Variants in DAB1 observed in about 807,000 individuals in gnomAD.
DAB1 encodes DAB adaptor protein 1.
Under a neutral mutation model 64.6 loss-of-function variants are expected in DAB1, and 15 were observed. The ratio of observed to expected loss-of-function variants is 0.23; its 90% CI spans 0.16 to 0.36. The LOEUF (loss-of-function observed/expected upper bound fraction) is 0.36, where lower values mean the gene tolerates loss of function less well. DAB1 is among the 10% of genes least tolerant of loss of function. The pLI is 1.00. For synonymous variants in DAB1, 235 were observed against 251.9 expected (o/e 0.93, Z 0.64); for missense variants, 596 against 706.7 (o/e 0.84, Z 1.78).
chr1:58,145,167 C>T (rs776699731), intron 5 of DAB1, among the ~76,000 whole-genome samples: 10 of 152,216 alleles, frequency 6.6e-5, no homozygotes, highest in East Asian at 5.8e-4. Context: ...GGAATATCCA[C>T]GCAGACATTG....
In DAB1 at chr1:58,523,858, C is replaced by T. The variant is rs576644727; in HGVS notation, n.107+3403G>A. Among the ~76,000 whole-genome samples, 5 of 152,226 alleles carry T rather than the reference C, an allele frequency of 3.3e-5. No individual in the cohort carries two copies. In the South Asian group the frequency reaches 1.0e-3, roughly 32 times the overall value. ...AGCTTGCAGTGAGCCGAGATCACAC[C>T]ACTGCACTCCAGCCTGGGTGACAGA... On this transcript the variant is annotated intron_variant and non_coding_transcript_variant, in intron 2 of 20. Transcript: ENST00000485760.
rs971804639 is a variant in DAB1 at position 58,177,185 on chromosome 1, C to T, written n.310-26597G>A. Among the ~76,000 whole-genome samples, 7 of 152,096 alleles carry T rather than the reference C, an allele frequency of 4.6e-5. No individual in the cohort carries two copies. The East Asian group carries it at 1.2e-3, about 25-fold the overall frequency. On this transcript the variant is annotated intron_variant and non_coding_transcript_variant, in intron 4 of 20. Coordinates refer to the DAB1 transcript ENST00000485760. Reference sequence around the variant, plus strand: ...CTGGCAGGAAAATGATAAGCTAGAACTCAACCTAAAGTCCTTGGGAACCGA... The same window carrying T: ...CTGGCAGGAAAATGATAAGCTAGAATTCAACCTAAAGTCCTTGGGAACCGA...
chr1:57,941,652 T>C (rs549941062), intron 5 of DAB1, among the ~76,000 whole-genome samples: 89 of 152,218 alleles, frequency 5.8e-4, no homozygotes, highest in African/African-American at 1.3e-3. Context: ...CTGGCTAACA[T>C]GGTGAAACCC....
intron 14 of DAB1, 51 bp downstream of exon 14, chr1:57,010,629 G>C: frequency 3.9e-6 from 4 of 1,014,570 alleles, no homozygotes; most frequent in Non-Finnish European, 1.4e-6. Context: ...ACAACCAAAA[G>C]GGAAAGCAGA....
At chr1:57,489,329 C>A (rs1470017094) in intron 7 of DAB1, among the ~76,000 whole-genome samples, 1 of 152,130 alleles carries the variant, frequency 6.6e-6, no homozygotes. Context: ...AAAGCACATC[C>A]CTCTGTGGTC....
chr1:57,944,064 A>G lies in DAB1; in HGVS notation n.388-59902T>C, dbSNP rs376099319. 1.8e-4 allele frequency among the ~76,000 whole-genome samples: 28 copies of G among 152,288 alleles called. No individual in the cohort carries two copies. The South Asian group carries it at 5.6e-3, about 30-fold the overall frequency. ...CTAGACAAATGCTGTCCACCCTCAC[A>G]TGGTTTCTATTCACTCAGTTTAAAG... On this transcript the variant is annotated intron_variant and non_coding_transcript_variant, in intron 5 of 20. Transcript: ENST00000485760.
At chr1:58,540,993 G>C (rs1646598246) in intron 1 of DAB1, among the ~76,000 whole-genome samples, 1 of 151,990 alleles carries the variant, frequency 6.6e-6, no homozygotes, top group Non-Finnish European at 1.5e-5. Context: ...GACATCTTAG[G>C]TGAACTGTAT....
intron 7 of DAB1, among the ~76,000 whole-genome samples, chr1:57,491,359 C>T (rs901973734): frequency 2.6e-5 from 4 of 151,956 alleles, no homozygotes; most frequent in African/African-American, 4.8e-5. Context: ...ACCCGGGAGG[C>T]GGAGCTTGCA....
intron 3 of DAB1, among the ~76,000 whole-genome samples, chr1:58,472,240 C>T (rs1259269958): frequency 6.6e-6 from 1 of 152,148 alleles, no homozygotes; most frequent in East Asian, 1.9e-4. Context: ...GAGTGCTACT[C>T]ACATGTTACT....
chr1:58,129,378 A>T (rs1259929108), intron 5 of DAB1, among the ~76,000 whole-genome samples: 1 of 140,210 alleles, frequency 7.1e-6, no homozygotes, highest in African/African-American at 2.7e-5. Context: ...CTAGCGGTCT[A>T]TCAATTTTGT....
At chr1:58,275,141 A>C (rs1307444008) in intron 4 of DAB1, among the ~76,000 whole-genome samples, 1 of 152,218 alleles carries the variant, frequency 6.6e-6, no homozygotes, top group African/African-American at 2.4e-5. Flanking sequence ...TAAAAAAATA[A>C]ATTTAGACCT....
At chr1:58,186,500 G>A (rs914351210) in intron 4 of DAB1, among the ~76,000 whole-genome samples, 35 of 152,268 alleles carry the variant, frequency 2.3e-4, no homozygotes, top group African/African-American at 7.7e-4. Flanking sequence ...TAGACAAATG[G>A]TAGAAAATTA....
intron 6 of DAB1, among the ~76,000 whole-genome samples, chr1:57,706,590 C>T (rs1416781080): frequency 6.6e-6 from 1 of 152,100 alleles, no homozygotes; most frequent in Non-Finnish European, 1.5e-5. Flanking sequence ...GCTGCAATTA[C>T]AGGTGTAAGC....
chr1:58,454,092 A>G (rs1310454151), intron 3 of DAB1, among the ~76,000 whole-genome samples: 1 of 152,132 alleles, frequency 6.6e-6, no homozygotes, highest in Non-Finnish European at 1.5e-5. Flanking sequence ...GCTCAGCCCA[A>G]CTTTTTAAAT....
At chr1:57,857,930 A>C (rs537978382) in intron 1 of DAB1, among the ~76,000 whole-genome samples, 152 of 149,584 alleles carry the variant, frequency 1.0e-3, no homozygotes, top group African/African-American at 3.6e-3. Context: ...TTAAAATTTA[A>C]AAAGAAAGAA....
In DAB1 at chr1:57,740,707, T is replaced by C. The variant is rs539929666; in HGVS notation, n.552-91042A>G. On this transcript the variant is annotated intron_variant and non_coding_transcript_variant, in intron 6 of 20. Coordinates refer to the DAB1 transcript ENST00000485760. ...TAAATATAGAACTTAGAAGAGTGCC[T>C]CTACACAGTTCACACATCATAGATG... Among the ~76,000 whole-genome samples the C allele has an allele frequency of 2.0e-5, 3 of 152,276 alleles. No homozygotes were observed. In the South Asian group the frequency reaches 6.2e-4, roughly 32 times the overall value.
intron 1 of DAB1, among the ~76,000 whole-genome samples, chr1:57,323,212 A>T (rs977706419): frequency 5.9e-5 from 9 of 152,102 alleles, no homozygotes; most frequent in African/African-American, 2.2e-4. Context: ...ACTCCAGCTG[A>T]TTGAAAGAAA....
At chr1:57,357,072 A>T (rs1679168883) in intron 1 of DAB1, among the ~76,000 whole-genome samples, 1 of 152,092 alleles carries the variant, frequency 6.6e-6, no homozygotes, top group Non-Finnish European at 1.5e-5. Flanking sequence ...TGCCTGGCAC[A>T]CAGTACATGT....
chr1:58,225,658 T>C (rs1189015950), intron 4 of DAB1, among the ~76,000 whole-genome samples: 1 of 151,958 alleles, frequency 6.6e-6, no homozygotes, highest in Non-Finnish European at 1.5e-5. Context: ...TCATATCCTT[T>C]GTAGGGACAT....
Sources: allele counts gnomAD v4.1 joint callset (sites outside exome capture counted in the v4.1 genomes callset), GRCh38; gene constraint gnomAD v4.1.1; transcripts MANE v1.5; gene names NCBI Gene and HGNC (gene_info 2026-07-23, HGNC 2026-07-21).